Variants in MYB observed in about 807,000 individuals in gnomAD.
MYB encodes transcriptional activator Myb.
A neutral mutation model predicts 92.9 loss-of-function variants in MYB; 28 were observed. The observed-to-expected ratio is 0.30, with a 90% CI of 0.22 to 0.41. The LOEUF (loss-of-function observed/expected upper bound fraction) is 0.41, where lower values mean the gene tolerates loss of function less well. Among genes scored for constraint, MYB ranks in the 10% least tolerant of loss-of-function variants. The pLI, the probability that MYB is intolerant of heterozygous loss-of-function variation, is 1.00. For synonymous variants in MYB, 295 were observed against 329.1 expected (o/e 0.90, Z 1.12); for missense variants, 679 against 929.3 (o/e 0.73, Z 3.50).
intron 8 of MYB, chr6:135,195,302 G>T: frequency 3.4e-6 from 1 of 297,516 alleles, no homozygotes; most frequent in South Asian, 3.3e-5. Context: ...CATTAGAAAG[G>T]GATAGAAGCA....
At chr6:135,186,617 C>T (rs574863744) in intron 2 of MYB, among the ~76,000 whole-genome samples, 1 of 152,300 alleles carries the variant, frequency 6.6e-6, no homozygotes, top group Admixed American at 6.5e-5. Flanking sequence ...ACTCAGAGAA[C>T]TCATCTTTTT....
chr6:135,192,197 A>G, intron 5 of MYB, 127 bp from the exon 6 acceptor site: 2 of 727,534 alleles, frequency 2.7e-6, no homozygotes, highest in Non-Finnish European at 4.6e-6. Flanking sequence ...GAAGGAAACA[A>G]TTAAAAAGAG....
intron 15 of MYB, among the ~76,000 whole-genome samples, chr6:135,205,411 C>CA (rs1778730451): frequency 6.6e-6 from 1 of 152,090 alleles, no homozygotes; most frequent in Non-Finnish European, 1.5e-5. Context: ...TTCTAAATTT[C>CA]AAAAAGCCAA....
At chr6:135,193,997 A>C in intron 7 of MYB, 79 bp downstream of exon 7, 1 of 1,141,472 alleles carries the variant, frequency 8.8e-7, no homozygotes, top group Non-Finnish European at 1.3e-6. Flanking sequence ...ACATATTTTT[A>C]CCTGAGCAAC....
At chr6:135,192,672 G>A in intron 6 of MYB, 114 bp downstream of exon 6, 1 of 959,292 alleles carries the variant, frequency 1.0e-6, no homozygotes, top group Non-Finnish European at 1.6e-6. Context: ...GCATGATCAT[G>A]GCCAGTCTTC....
At chr6:135,201,587 A>G (rs1778101101) in intron 13 of MYB, 52 bp from the exon 14 acceptor site, 3 of 1,243,756 alleles carry the variant, frequency 2.4e-6, no homozygotes, top group South Asian at 2.5e-5. Flanking sequence ...CTGACTGTAC[A>G]TGTTTCATAG....
intron 6 of MYB, among the ~76,000 whole-genome samples, chr6:135,193,622 C>T (rs1355622154): frequency 6.6e-6 from 1 of 152,084 alleles, no homozygotes; most frequent in Non-Finnish European, 1.5e-5. Context: ...TCATCAACAC[C>T]TCCCAAGGAT....
At chr6:135,194,232 G>A (rs1776993524) in intron 7 of MYB, 124 bp from the exon 8 acceptor site, 4 of 703,992 alleles carry the variant, frequency 5.7e-6, no homozygotes, top group Non-Finnish European at 7.1e-6. Context: ...AATTTGGTTG[G>A]TGGTGTTGTC....
chr6:135,205,201 G>C lies in MYB; in HGVS notation c.2169+1877G>C, dbSNP rs548947065. On this transcript the variant is annotated intron_variant, in intron 15 of 15. Coordinates refer to ENST00000341911, the MANE Select transcript of MYB (RefSeq NM_001130173.2). Reference sequence around the variant, plus strand: ...CCATTTCAAAATTTTCCTGAAAGCTGTTCTTAGGTCCAGAAGAAAAGCTTT... The same window carrying C: ...CCATTTCAAAATTTTCCTGAAAGCTCTTCTTAGGTCCAGAAGAAAAGCTTT... Among the ~76,000 whole-genome samples the C allele has an allele frequency of 5.7e-4, 86 of 150,388 alleles. No homozygotes were observed. In the Middle Eastern group the frequency reaches 0.01, roughly 18 times the overall value.
rs889894338 is a variant in MYB at position 135,182,409 on chromosome 6, C to T, written c.23+873C>T. 3.9e-5 allele frequency among the ~76,000 whole-genome samples: 6 copies of T among 152,008 alleles called. No individual in the cohort carries two copies. The highest frequency in any genetic ancestry group is 3.3e-4 in the Admixed American group (5 of 15,282). ...ACACGCCGGGGCTCCCTGCGAGCGG[C>T]GGGTGCCAGGGCTAGCTCGGCAGCC... On this transcript the variant is annotated intron_variant, in intron 1 of 15. Coordinates refer to ENST00000341911, the MANE Select transcript of MYB (RefSeq NM_001130173.2). This position sits in a 1 kb window ranked among gnomAD's most constrained non-coding sequence, Gnocchi z 5.6.
At chr6:135,196,146 A>G (rs1777269213) in intron 9 of MYB, 144 bp downstream of exon 9, 1 of 896,306 alleles carries the variant, frequency 1.1e-6, no homozygotes, top group African/African-American at 1.7e-5. Context: ...ATCTTCATGA[A>G]TATGTTTTTT....
chr6:135,191,315 A>G (rs1489926202), intron 5 of MYB, among the ~76,000 whole-genome samples: 1 of 152,188 alleles, frequency 6.6e-6, no homozygotes, highest in Non-Finnish European at 1.5e-5. Flanking sequence ...TATATAACAG[A>G]TTTTGTTCCT....
At chr6:135,186,149 T>G (rs1344996694) in intron 2 of MYB, 129 bp downstream of exon 2, 1 of 697,734 alleles carries the variant, frequency 1.4e-6, no homozygotes, top group African/African-American at 1.8e-5. Flanking sequence ...CTAGCCCGCA[T>G]GTGCAGCGTG....
chr6:135,218,773 A>AT lies in MYB; in HGVS notation c.*801dup, dbSNP rs993518495. On this transcript the variant is annotated 3_prime_UTR_variant, in exon 16 of 16. Coordinates refer to ENST00000341911, the MANE Select transcript of MYB (RefSeq NM_001130173.2). ...ACTTTTTAATTTTATATATATATACATTTTTTTTCCTTCTGCAATACATTT... is the reference window on the plus strand; with the variant it reads ...ACTTTTTAATTTTATATATATATACATTTTTTTTTCCTTCTGCAATACATTT... The AT allele has an allele frequency of 2.4e-5, 5 of 204,154 alleles. No individual in the cohort carries two copies. Among genetic ancestry groups the AT allele is most frequent in the South Asian group, 1.9e-4 (1 of 5,220 alleles). 12.6% of individuals were successfully genotyped at this position (204,154 alleles called of 1,614,324 possible).
chr6:135,183,117 C>T (rs1236873907), intron 1 of MYB, among the ~76,000 whole-genome samples: 2 of 150,256 alleles, frequency 1.3e-5, no homozygotes, highest in African/African-American at 4.9e-5. Flanking sequence ...GAGGTCTCGG[C>T]CGCCCCCGCG....
chr6:135,208,873 A>G (rs1027312083), intron 15 of MYB, among the ~76,000 whole-genome samples: 7 of 152,242 alleles, frequency 4.6e-5, no homozygotes, highest in African/African-American at 1.7e-4. Flanking sequence ...CAAAATTGAA[A>G]CAATTTCACA....
At chr6:135,195,304 A>T (rs1417476595) in intron 8 of MYB, 1 of 299,486 alleles carries the variant, frequency 3.3e-6, no homozygotes, top group African/African-American at 2.2e-5. Flanking sequence ...TTAGAAAGGG[A>T]TAGAAGCAAC....
chr6:135,216,715 C>A (rs1780494237), intron 15 of MYB, among the ~76,000 whole-genome samples: 1 of 152,186 alleles, frequency 6.6e-6, no homozygotes, highest in Admixed American at 6.6e-5. Context: ...TATGACTCTT[C>A]TTTATACACA....
chr6:135,203,005 GTTGTGGTGATGT>G, intron 14 of MYB, 200 bp from the exon 15 acceptor site: 4 of 702,524 alleles, frequency 5.7e-6, no homozygotes, highest in Non-Finnish European at 1.0e-5. Context: ...GGAGCTTTGT[GTTGTGGTGATGT>G]TTGCCACAAT....
Sources: allele counts gnomAD v4.1 joint callset (sites outside exome capture counted in the v4.1 genomes callset), GRCh38; gene constraint gnomAD v4.1.1; non-coding constraint Gnocchi (gnomAD v3.1); transcripts MANE v1.5; gene names NCBI Gene and HGNC (gene_info 2026-07-23, HGNC 2026-07-21).